ROBO2: variants seen among roughly 807,000 people sequenced by gnomAD.
ROBO2 encodes the protein roundabout guidance receptor 2.
ROBO2 carries 53 observed loss-of-function variants against 160.8 expected under a neutral mutation model. The observed-to-expected ratio is 0.33, with a 90% CI of 0.26 to 0.41. The LOEUF is 0.41. Ranked by LOEUF, ROBO2 falls within the 10% of genes least tolerant of loss-of-function variation. ROBO2 has a pLI of 1.00. For missense variants in ROBO2, 1,577 were observed against 1,722.4 expected, an observed-to-expected ratio of 0.92 and a Z score of 1.49; for synonymous variants, 664 against 611.7, an observed-to-expected ratio of 1.09 and a Z score of -1.26.
chr3:76,329,970 G>A (rs1437449198), intron 2 of ROBO2, among the ~76,000 whole-genome samples: 1 of 152,126 alleles, frequency 6.6e-6, no homozygotes, highest in African/African-American at 2.4e-5. Flanking sequence ...GATTCATAAT[G>A]CAAAATGTGT....
intron 2 of ROBO2, among the ~76,000 whole-genome samples, chr3:76,304,753 T>TCTTC (rs1491509571): frequency 8.7e-6 from 1 of 114,676 alleles, no homozygotes; most frequent in Non-Finnish European, 1.8e-5. Context: ...TTTCCTTCTT[T>TCTTC]CTTTCTTTCT....
At chr3:77,070,075 G>C (rs1578704167) in intron 1 of ROBO2, among the ~76,000 whole-genome samples, 1 of 152,098 alleles carries the variant, frequency 6.6e-6, no homozygotes, top group East Asian at 1.9e-4. Flanking sequence ...ATGATGAGAG[G>C]TTGGAATAAT....
chr3:76,498,525 A>G (rs2080278144), intron 2 of ROBO2, among the ~76,000 whole-genome samples: 2 of 151,794 alleles, frequency 1.3e-5, no homozygotes, highest in African/African-American at 4.8e-5. Context: ...GAAATTATAT[A>G]ATAAATATAT....
At chr3:76,072,470 AC>A (rs2068493345) in intron 2 of ROBO2, among the ~76,000 whole-genome samples, 1 of 152,120 alleles carries the variant, frequency 6.6e-6, no homozygotes, top group African/African-American at 2.4e-5. Flanking sequence ...AGATGCATTT[AC>A]CAGTTTATCC....
intron 2 of ROBO2, among the ~76,000 whole-genome samples, chr3:76,406,973 A>G (rs755203261): frequency 1.5e-4 from 22 of 150,796 alleles, no homozygotes; most frequent in Non-Finnish European, 3.0e-4. Context: ...AACCCCACAT[A>G]AACTGGCCAG....
intron 2 of ROBO2, among the ~76,000 whole-genome samples, chr3:76,800,318 T>G (rs1265386801): frequency 1.3e-5 from 2 of 152,222 alleles, no homozygotes; most frequent in African/African-American, 4.8e-5. Context: ...AGGCAAAGAT[T>G]TCTTGAGCAA....
intron 2 of ROBO2, among the ~76,000 whole-genome samples, chr3:76,984,992 A>C (rs1160177139): frequency 2.0e-5 from 3 of 152,128 alleles, no homozygotes; most frequent in Non-Finnish European, 4.4e-5. Flanking sequence ...AATTATTGTC[A>C]AAATAGAATT....
chr3:77,127,736 G>T (rs1406548541), intron 2 of ROBO2, among the ~76,000 whole-genome samples: 1 of 152,092 alleles, frequency 6.6e-6, no homozygotes, highest in Non-Finnish European at 1.5e-5. Context: ...CTTGTAGGTT[G>T]TGTTATCAGT....
At chr3:77,206,670 A>G (rs62251836) in intron 2 of ROBO2, among the ~76,000 whole-genome samples, 5,956 of 152,136 alleles carry the variant, frequency 0.039, 152 homozygotes, top group African/African-American at 0.064. Context: ...TAAAATTTTT[A>G]TATTATTTCT....
In ROBO2 at chr3:76,055,409, T is replaced by C. The variant is rs534957797; in HGVS notation, c.109+117807T>C. 2.6e-5 allele frequency among the ~76,000 whole-genome samples: 4 copies of C among 152,332 alleles called. No homozygotes were observed. The East Asian group carries it at 7.7e-4, about 29-fold the overall frequency. On this transcript the variant is annotated intron_variant, in intron 2 of 26. Transcript: ENST00000487694. ...TGTTACATGGCTATTCCATGCGTGA[T>C]GGCAGGAAATGTACTTCTAGTGCAC...
At chr3:76,423,558 A>G (rs551658312) in intron 2 of ROBO2, among the ~76,000 whole-genome samples, 12 of 152,328 alleles carry the variant, frequency 7.9e-5, no homozygotes, top group African/African-American at 2.4e-4. Context: ...CCATCAGGTT[A>G]GAAAATAGGA....
intron 2 of ROBO2, among the ~76,000 whole-genome samples, chr3:76,103,040 G>T (rs1018101834): frequency 2.6e-5 from 4 of 152,040 alleles, no homozygotes; most frequent in African/African-American, 9.7e-5. Flanking sequence ...AGCCAGGATG[G>T]TCTCAATCTC....
intron 2 of ROBO2, among the ~76,000 whole-genome samples, chr3:77,377,638 ACC>A (rs2072870862): frequency 6.6e-6 from 1 of 152,184 alleles, no homozygotes; most frequent in Admixed American, 6.5e-5. Flanking sequence ...AAGATATGAG[ACC>A]TCGATCCTTG....
At chr3:77,323,032 T>C (rs1389092096) in intron 2 of ROBO2, among the ~76,000 whole-genome samples, 48 of 140,204 alleles carry the variant, frequency 3.4e-4, no homozygotes, top group South Asian at 6.4e-4. Context: ...TAATATATTA[T>C]ATTATATTAT....
At chr3:76,470,712 T>A (rs1346066295) in intron 2 of ROBO2, among the ~76,000 whole-genome samples, 1 of 152,144 alleles carries the variant, frequency 6.6e-6, no homozygotes, top group Non-Finnish European at 1.5e-5. Flanking sequence ...TAGCTCATAT[T>A]TAATAGAAAG....
At chr3:76,345,430 T>TC (rs3040253) in intron 2 of ROBO2, among the ~76,000 whole-genome samples, 1 of 118,674 alleles carries the variant, frequency 8.4e-6, no homozygotes, top group African/African-American at 2.8e-5. Context: ...GATATCTTTT[T>TC]TCTTTTCTTT....
Position 77,636,793 on chromosome 3 carries a change from C to T in ROBO2, c.3934+1750C>T, listed in dbSNP as rs1330936278. Among the ~76,000 whole-genome samples, 6 of 151,950 alleles carry T rather than the reference C, an allele frequency of 3.9e-5. No individual in the cohort carries two copies. The East Asian group carries it at 5.8e-4, about 15-fold the overall frequency. ...TAAACACTGTTAGTTTCAGGAAACA[C>T]AATATTACTGGAAGATATCCATGTT... On this transcript the variant is annotated intron_variant, in intron 24 of 25. Coordinates refer to ENST00000461745, the Ensembl canonical transcript of ROBO2.
chr3:76,400,464 A>G (rs979702684), intron 2 of ROBO2, among the ~76,000 whole-genome samples: 3 of 151,708 alleles, frequency 2.0e-5, no homozygotes, highest in South Asian at 2.1e-4. Context: ...ATTCAAATTT[A>G]TGGGTTTTGC....
chr3:76,848,316 A>T (rs62261825), intron 2 of ROBO2, among the ~76,000 whole-genome samples: 19,400 of 152,140 alleles, frequency 0.13, 1,395 homozygotes, highest in East Asian at 0.24. Flanking sequence ...CTAAATATCT[A>T]ACAACAGGGT....
Sources: gnomAD v4.1 joint callset for allele counts (sites outside exome capture counted in the v4.1 genomes callset) on GRCh38, gnomAD v4.1.1 for gene constraint, MANE v1.5 for transcripts, NCBI Gene and HGNC (gene_info 2026-07-23, HGNC 2026-07-21) for gene names.